Variants in MBTPS2 observed in about 807,000 individuals in gnomAD.
MBTPS2 encodes the protein membrane-bound transcription factor site-2 protease.
In MBTPS2, 2 loss-of-function variants were observed where a neutral mutation model predicts 35.4. That is an observed-to-expected ratio of 0.06 (90% CI 0.02 to 0.18). The LOEUF (loss-of-function observed/expected upper bound fraction) is 0.18, where lower values mean the gene tolerates loss of function less well. MBTPS2 is among the 10% of genes least tolerant of loss of function. The pLI is 1.00. For missense variants in MBTPS2, 244 were observed against 386.5 expected (o/e 0.63, Z 3.09); for synonymous variants, 125 against 140.4 (o/e 0.89, Z 0.77).
At chrX:21,862,933 CATAT>C (rs542223686) in intron 5 of MBTPS2, among the ~76,000 whole-genome samples, 1,044 of 27,642 alleles carry the variant, frequency 0.038, 56 homozygotes, top group East Asian at 0.11. Flanking sequence ...TATATATAAA[CATAT>C]ATATATATAT....
chrX:21,862,216 C>T (rs995065554), intron 5 of MBTPS2, among the ~76,000 whole-genome samples: 2 of 110,481 alleles, frequency 1.8e-5, no homozygotes, highest in Non-Finnish European at 3.8e-5. Context: ...AAAGGGAAGA[C>T]TAGGTATGGG....
Position 21,883,390 on chromosome X carries a change from A to G in MBTPS2, c.*735A>G. ...ACATCCACGGTGAGCTGCAGGAAGC[A>G]TCACACACCAGCAGCATGTGAGCAG... On this transcript the variant is annotated 3_prime_UTR_variant, in exon 11 of 11. Coordinates refer to ENST00000379484, the MANE Select transcript of MBTPS2 (RefSeq NM_015884.4). The G allele has an allele frequency of 1.3e-6, 1 of 755,033 alleles. No homozygotes were observed. Among genetic ancestry groups the G allele is most frequent in the Non-Finnish European group, 1.6e-6 (1 of 639,809 alleles). 62.2% of individuals were successfully genotyped at this position (755,033 alleles called of 1,213,427 possible). A position where few individuals can be genotyped will look rare whatever the true frequency, so the allele number is the denominator to read the frequency against.
At position 21,884,949 on chromosome X, in the gene MBTPS2, G is replaced by C. The variant is rs908792385; in HGVS notation, c.*2294G>C. On this transcript the variant is annotated 3_prime_UTR_variant, in exon 11 of 11. Transcript: ENST00000379484. The stretch of plus-strand genomic sequence containing the variant: ...GAAAGAATCCACTGTGGTTTCTGTA[G>C]AGTGATTGGAAAAATGGATTATTTT... 2.7e-6 allele frequency: 2 copies of C among 751,699 alleles called. No individual in the cohort carries two copies. The highest frequency in any genetic ancestry group is 4.6e-5 in the African/African-American group (2 of 43,248). 61.9% of individuals were successfully genotyped at this position (751,699 alleles called of 1,213,427 possible).
intron 5 of MBTPS2, among the ~76,000 whole-genome samples, chrX:21,863,491 T>C (rs2092935757): frequency 9.1e-6 from 1 of 110,314 alleles, no homozygotes; most frequent in African/African-American, 3.3e-5. Flanking sequence ...GAAATGGTAT[T>C]TGGGAAAGAT....
intron 5 of MBTPS2, among the ~76,000 whole-genome samples, chrX:21,861,635 G>A (rs2092931426): frequency 9.1e-6 from 1 of 109,736 alleles, no homozygotes. Flanking sequence ...GGAGTTCAAG[G>A]CTGCCATGAG....
intron 5 of MBTPS2, among the ~76,000 whole-genome samples, chrX:21,864,750 G>A (rs1165954988): frequency 9.0e-6 from 1 of 111,304 alleles, no homozygotes; most frequent in Non-Finnish European, 1.9e-5. Context: ...TTGAGCCTGG[G>A]GGGCAGAGGT....
At chrX:21,843,488 T>C (rs1225848377) in intron 2 of MBTPS2, among the ~76,000 whole-genome samples, 170 bp downstream of exon 2, 1 of 112,189 alleles carries the variant, frequency 8.9e-6, no homozygotes, top group East Asian at 2.8e-4. Context: ...TCATTGTGGC[T>C]TGCATACATT....
chrX:21,854,390 A>G (rs1369295818), intron 5 of MBTPS2, among the ~76,000 whole-genome samples: 1 of 112,295 alleles, frequency 8.9e-6, no homozygotes, highest in Admixed American at 9.5e-5. Flanking sequence ...AAATAAGCTC[A>G]CCTACTGAAA....
chrX:21,877,598 C>T (rs2092954597), intron 7 of MBTPS2, among the ~76,000 whole-genome samples: 1 of 111,431 alleles, frequency 9.0e-6, no homozygotes, highest in Non-Finnish European at 1.9e-5. Flanking sequence ...GGGGTAGAAT[C>T]GGTATTTGGA....
intron 1 of MBTPS2, among the ~76,000 whole-genome samples, chrX:21,842,451 A>G (rs1394370286): frequency 1.8e-5 from 2 of 109,107 alleles, no homozygotes; most frequent in Non-Finnish European, 3.8e-5. Context: ...TTTTTAAATT[A>G]TAACACAAGG....
rs756141575 is a variant in MBTPS2 at position 21,859,694 on chromosome X, A to G, written c.670+6191A>G. ...ATACAGAAGCTAGAACTAAAGAAAAAGGGGAGGGTGCTACTGGCATCTGGT... is the reference window on the plus strand; with the variant it reads ...ATACAGAAGCTAGAACTAAAGAAAAGGGGGAGGGTGCTACTGGCATCTGGT... On this transcript the variant is annotated intron_variant, in intron 5 of 10. Transcript: ENST00000379484. 5.4e-3 allele frequency among the ~76,000 whole-genome samples: 604 copies of G among 112,089 alleles called. 2 individuals carry two copies. The highest frequency in any genetic ancestry group is 0.019 in the African/African-American group (576 of 30,842).
At chrX:21,862,909 A>ATAAACATAT (rs2092933708) in intron 5 of MBTPS2, among the ~76,000 whole-genome samples, 1 of 54,198 alleles carries the variant, frequency 1.8e-5, no homozygotes, top group Non-Finnish European at 3.8e-5. Context: ...AACATATATA[A>ATAAACATAT]ATATATAAAC....
intron 5 of MBTPS2, among the ~76,000 whole-genome samples, chrX:21,866,531 G>A (rs2092939971): frequency 1.8e-5 from 2 of 111,321 alleles, no homozygotes; most frequent in African/African-American, 6.5e-5. Context: ...AGGAAGAAAA[G>A]ATCTCATTCA....
chrX:21,844,708 T>C (rs2092906655), intron 2 of MBTPS2, among the ~76,000 whole-genome samples: 1 of 106,994 alleles, frequency 9.3e-6, no homozygotes, highest in Non-Finnish European at 2.0e-5. Context: ...TGGTAGCTTT[T>C]AATAATTAAA....
Position 21,883,967 on chromosome X carries a change from G to A in MBTPS2, c.*1312G>A, listed in dbSNP as rs752120719. 6 of 753,432 alleles carry A rather than the reference G, an allele frequency of 8.0e-6. No individual in the cohort carries two copies. The highest frequency in any genetic ancestry group is 9.4e-6 in the Non-Finnish European group (6 of 638,811). The allele number at this position is 753,432 out of a possible 1,213,427, so 62.1% of individuals were successfully genotyped here. A position where few individuals can be genotyped will look rare whatever the true frequency, so the allele number is the denominator to read the frequency against. On this transcript the variant is annotated 3_prime_UTR_variant, in exon 11 of 11. Transcript: ENST00000379484. ...TTGATGGAAAATACATGCTTCTCTTGTATACTCAGAAGTGACTAAGGGCAA... is the reference window on the plus strand; with the variant it reads ...TTGATGGAAAATACATGCTTCTCTTATATACTCAGAAGTGACTAAGGGCAA...
intron 2 of MBTPS2, among the ~76,000 whole-genome samples, chrX:21,843,983 C>T (rs1017037492): frequency 2.8e-5 from 3 of 107,576 alleles, no homozygotes; most frequent in African/African-American, 1.0e-4. Context: ...GGCATGGTGG[C>T]GCACGTGGTC....
chrX:21,862,967 T>TATATATATATAAAA (rs1283198445), intron 5 of MBTPS2, among the ~76,000 whole-genome samples: 1 of 58,368 alleles, frequency 1.7e-5, no homozygotes, highest in Non-Finnish European at 3.1e-5. Context: ...TATATATATA[T>TATATATATATAAAA]AAAACCGACT....
intron 3 of MBTPS2, among the ~76,000 whole-genome samples, chrX:21,849,922 G>A (rs1208587069): frequency 9.4e-6 from 1 of 105,910 alleles, no homozygotes; most frequent in African/African-American, 3.4e-5. Flanking sequence ...GCTACTCGGA[G>A]AGGCTGAAGC....
At chrX:21,859,137 C>T (rs749538372) in intron 5 of MBTPS2, among the ~76,000 whole-genome samples, 1 of 110,572 alleles carries the variant, frequency 9.0e-6, no homozygotes, top group South Asian at 3.8e-4. Context: ...TTTTCACATT[C>T]TTAGAAATAG....
Sources: gnomAD v4.1 joint callset for allele counts (sites outside exome capture counted in the v4.1 genomes callset) on GRCh38, gnomAD v4.1.1 for gene constraint, MANE v1.5 for transcripts, NCBI Gene and HGNC (gene_info 2026-07-23, HGNC 2026-07-21) for gene names.